Variants in TPRG1L observed in about 807,000 individuals in gnomAD.
TPRG1L encodes tumor protein p63-regulated gene 1-like protein.
In TPRG1L, 25 loss-of-function variants were observed where a neutral mutation model predicts 29.4. That is an observed-to-expected ratio of 0.85 (90% confidence interval 0.62 to 1.19). The LOEUF (loss-of-function observed/expected upper bound fraction) is 1.19, where lower values mean the gene tolerates loss of function less well. TPRG1L is among the 50% of genes most tolerant of loss of function. The pLI is 0.00. For synonymous variants in TPRG1L, 182 were observed against 151.1 expected, an observed-to-expected ratio of 1.20 and a Z score of -1.50; for missense variants, 354 against 364.4, an observed-to-expected ratio of 0.97 and a Z score of 0.23.
rs755380716 is a variant in TPRG1L, at chr1:3,628,462, A to G, written c.678A>G (p.Glu226=). The G allele has an allele frequency of 1.2e-6, 2 of 1,613,480 alleles. No individual in the cohort carries two copies. Among genetic ancestry groups the G allele is most frequent in the Admixed American group, 1.7e-5 (1 of 59,980 alleles). Residue 226 remains glutamate (E), a synonymous_variant, in exon 5 of 5, where the codon GAA becomes GAG. Coordinates refer to ENST00000378344, the MANE Select transcript of TPRG1L (RefSeq NM_182752.4). ...LIQAVKKAQK[E]SPLPGQANGV... ...AAGCTGTCAAAAAAGCCCAAAAAGA[A>G]AGCCCTTTGCCAGGACAGGCGAATG...
At chr1:3,628,035 GCAGAGCC>G (rs936968342) in intron 4 of TPRG1L, among the ~76,000 whole-genome samples, 40 of 152,366 alleles carry the variant, frequency 2.6e-4, no homozygotes, top group African/African-American at 8.7e-4. Context: ...TGGGGTTAGA[GCAGAGCC>G]CAGAGCCCAG....
chr1:3,625,939 C>A, intron 3 of TPRG1L, 50 bp downstream of exon 3: 1 of 1,530,244 alleles, frequency 6.5e-7, no homozygotes, highest in Non-Finnish European at 8.8e-7. Context: ...CCAGAGTGGA[C>A]CTTACAATTC....
At position 3,627,669 on chromosome 1, in the gene TPRG1L, CATAA is replaced by C; in HGVS notation, c.624+20_624+23del. ...TCTGTGTCAGGTAAGAAGACAGGCA[CATAA>C]ATAGCCGCGCCCCCCGCAGTGATGG... On this transcript the variant is annotated intron_variant, in intron 4 of 4. Coordinates refer to ENST00000378344, the MANE Select transcript of TPRG1L (RefSeq NM_182752.4). 6.3e-7 allele frequency: 1 copy of C among 1,595,220 alleles called. No homozygotes were observed. The highest frequency in any genetic ancestry group is 1.1e-5 in the South Asian group (1 of 90,526).
chr1:3,628,769 G>T lies in TPRG1L; in HGVS notation c.*166G>T, dbSNP rs1170883447. ...ACCTTTAGGGATCTCAGCACAATTA[G>T]AATCGTAAAGTGAATTCTATCTATT... On this transcript the variant is annotated 3_prime_UTR_variant, in exon 5 of 5. Transcript: ENST00000378344. The T allele has an allele frequency of 5.0e-6, 3 of 603,942 alleles. No homozygotes were observed. The highest frequency in any genetic ancestry group is 8.4e-6 in the Non-Finnish European group (3 of 358,718). 37.4% of individuals were successfully genotyped at this position (603,942 alleles called of 1,614,324 possible).
intron 4 of TPRG1L, 121 bp downstream of exon 4, chr1:3,627,774 G>T: frequency 7.9e-7 from 1 of 1,266,784 alleles, no homozygotes; most frequent in Non-Finnish European, 1.1e-6. Flanking sequence ...GAGCACTTGA[G>T]ACGTGGCTAG....
intron 3 of TPRG1L, 80 bp downstream of exon 3, chr1:3,625,969 C>G: frequency 2.9e-6 from 4 of 1,357,174 alleles, no homozygotes; most frequent in Non-Finnish European, 4.0e-6. Context: ...AAATCAGCCC[C>G]CCAAGCGGTG....
In TPRG1L at chr1:3,627,653, G is replaced by C. The variant is rs1219520628; in HGVS notation, c.624G>C (p.Gln208His). 1.2e-6 allele frequency: 2 copies of C among 1,609,834 alleles called. No homozygotes were observed. Among genetic ancestry groups the C allele is most frequent in the Admixed American group, 1.7e-5 (1 of 59,624 alleles). ...ATGAGAAGACAGCATCTCTGTGTCA[G>C]GTAAGAAGACAGGCACATAAATAGC... ...GADEKTASLCQLESFKALLIQ... is the reference protein window; with the variant it reads ...GADEKTASLCHLESFKALLIQ... The change falls in exon 4 of 5, where the codon CAG becomes CAC. Residue 208 changes from glutamine (Q) to histidine (H), a missense_variant and splice_region_variant. Physicochemically the swap from Gln to His is conservative, Grantham distance 24. Coordinates refer to ENST00000378344, the MANE Select transcript of TPRG1L (RefSeq NM_182752.4).
intron 2 of TPRG1L, 89 bp from the exon 3 acceptor site, chr1:3,625,624 C>A (rs1371528603): frequency 6.4e-7 from 1 of 1,563,656 alleles, no homozygotes. Flanking sequence ...CGCCCCGTGC[C>A]GCCCCTGCTG....
rs1384357708 is a variant in TPRG1L at position 3,625,281 on chromosome 1, A to G, written c.201+8A>G. ...GAGTACTTCGTGTTCCGGGTGAGGC[A>G]GGGGCCAGGGCCGGGGCGGGGGCCG... On this transcript the variant is annotated splice_region_variant and intron_variant, in intron 1 of 4. Transcript: ENST00000378344. 2 of 1,394,994 alleles carry G rather than the reference A, an allele frequency of 1.4e-6. No homozygotes were observed. Among genetic ancestry groups the G allele is most frequent in the African/African-American group, 3.2e-5 (2 of 62,554 alleles). 86.4% of individuals were successfully genotyped at this position (1,394,994 alleles called of 1,614,324 possible).
In TPRG1L at chr1:3,625,280, C is replaced by A; in HGVS notation, c.201+7C>A. 1 of 1,402,532 alleles carries A rather than the reference C, an allele frequency of 7.1e-7. No individual in the cohort carries two copies. Among genetic ancestry groups the A allele is most frequent in the South Asian group, 1.6e-5 (1 of 62,170 alleles). 86.9% of individuals were successfully genotyped at this position (1,402,532 alleles called of 1,614,324 possible). On this transcript the variant is annotated splice_region_variant and intron_variant, in intron 1 of 4. Coordinates refer to ENST00000378344, the MANE Select transcript of TPRG1L (RefSeq NM_182752.4). ...GGAGTACTTCGTGTTCCGGGTGAGG[C>A]AGGGGCCAGGGCCGGGGCGGGGGCC...
Position 3,625,454 on chromosome 1 carries a change from A to G in TPRG1L, c.232A>G (p.Ile78Val), listed in dbSNP as rs1286295796. 3 of 1,606,298 alleles carry G rather than the reference A, an allele frequency of 1.9e-6. No homozygotes were observed. Among genetic ancestry groups the G allele is most frequent in the Non-Finnish European group, 2.5e-6 (3 of 1,177,558 alleles). ...PGSIEQAVEE[I>V]RVVVRPVEDG... ...CAGCATCGAGCAGGCAGTGGAGGAG[A>G]TCCGCGTGGTGGTGCGGCCCGTGGA... Residue 78 changes from isoleucine to valine, a missense_variant, in exon 2 of 5, where the codon ATC (isoleucine) becomes GTC (valine). Ile to Val is a conservative substitution (Grantham distance 29, BLOSUM62 3). Transcript: ENST00000378344.
rs1425931867 is a variant in TPRG1L, at chr1:3,625,229, G to T, written c.157G>T (p.Asp53Tyr). ...GACACTCTGGCCTCTCAGCATCCAC[G>T]ACCCCACGCGCCGCGCCCGCGTCAA... is the stretch of plus-strand genomic sequence containing the variant. ...RQTLWPLSIH[D>Y]PTRRARVKEY... The change falls in exon 1 of 5, where the codon GAC (aspartate) becomes TAC (tyrosine). Residue 53 changes from aspartate (D) to tyrosine (Y), a missense_variant. By Grantham distance (160) the Asp-to-Tyr change is radical. Transcript: ENST00000378344. The T allele has an allele frequency of 3.7e-6, 5 of 1,357,778 alleles. No individual in the cohort carries two copies. In the South Asian group the frequency reaches 7.1e-5, roughly 19 times the overall value. 84.1% of individuals were successfully genotyped at this position (1,357,778 alleles called of 1,614,324 possible).
chr1:3,626,964 T>G (rs1221552427), intron 3 of TPRG1L, among the ~76,000 whole-genome samples: 1 of 152,182 alleles, frequency 6.6e-6, no homozygotes, highest in Admixed American at 6.5e-5. Flanking sequence ...TTTGTCATAT[T>G]TATACCCACA....
At position 3,625,523 on chromosome 1, in the gene TPRG1L, G is replaced by A. The variant is rs779361085; in HGVS notation, c.293+8G>A. 3.5e-5 allele frequency: 56 copies of A among 1,595,956 alleles called. No homozygotes were observed. In the South Asian group the frequency reaches 5.8e-4, roughly 16 times the overall value. On this transcript the variant is annotated splice_region_variant and intron_variant, in intron 2 of 4. Transcript: ENST00000378344. The stretch of plus-strand genomic sequence containing the variant: ...AGTGTGGCTGCTTACCGAGTAAGCC[G>A]GGGCTGCGCTCTCCTTGGTGGGGGG...
intron 3 of TPRG1L, among the ~76,000 whole-genome samples, 194 bp from the exon 4 acceptor site, chr1:3,627,306 A>G (rs2101946160): frequency 6.7e-6 from 1 of 149,908 alleles, no homozygotes; most frequent in Middle Eastern, 3.4e-3. Context: ...GCAAAACTCC[A>G]TCTCAAAAAA....
chr1:3,627,194 C>T (rs1202153150), intron 3 of TPRG1L, among the ~76,000 whole-genome samples: 1 of 152,062 alleles, frequency 6.6e-6, no homozygotes, highest in East Asian at 1.9e-4. Flanking sequence ...CCTGTAATCC[C>T]AGCTACTCCG....
chr1:3,625,425 C>G lies in TPRG1L; in HGVS notation c.203C>G (p.Pro68Arg). 1 of 1,594,406 alleles carries G rather than the reference C, an allele frequency of 6.3e-7. No homozygotes were observed. Among genetic ancestry groups the G allele is most frequent in the Non-Finnish European group, 8.5e-7 (1 of 1,172,116 alleles). ...TCCCCCACCCCGCAACCCGCCCAGC[C>G]CGGCAGCATCGAGCAGGCAGTGGAG... ...ARVKEYFVFR[P>R]GSIEQAVEEI... Residue 68 changes from proline to arginine, a missense_variant and splice_region_variant, in exon 2 of 5, where the codon CCC becomes CGC. Coordinates refer to ENST00000378344, the MANE Select transcript of TPRG1L (RefSeq NM_182752.4).
Position 3,628,761 on chromosome 1 carries a change from C to T in TPRG1L, c.*158C>T, listed in dbSNP as rs755714665. Reference sequence around the variant, plus strand: ...GATCTTTCACCTTTAGGGATCTCAGCACAATTAGAATCGTAAAGTGAATTC... The same window carrying T: ...GATCTTTCACCTTTAGGGATCTCAGTACAATTAGAATCGTAAAGTGAATTC... On this transcript the variant is annotated 3_prime_UTR_variant, in exon 5 of 5. Coordinates refer to ENST00000378344, the MANE Select transcript of TPRG1L (RefSeq NM_182752.4). 1 of 642,750 alleles carries T rather than the reference C, an allele frequency of 1.6e-6. No individual in the cohort carries two copies. The highest frequency in any genetic ancestry group is 3.1e-5 in the Admixed American group (1 of 32,064). 39.8% of individuals were successfully genotyped at this position (642,750 alleles called of 1,614,324 possible).
intron 2 of TPRG1L, 47 bp from the exon 3 acceptor site, chr1:3,625,666 G>C (rs750967249): frequency 6.3e-7 from 1 of 1,584,846 alleles, no homozygotes; most frequent in Non-Finnish European, 8.6e-7. Flanking sequence ...TGGCTAAGTC[G>C]AGACAGCCGC....
Sources: gnomAD v4.1 joint callset for allele counts (sites outside exome capture counted in the v4.1 genomes callset) on GRCh38, gnomAD v4.1.1 for gene constraint, MANE v1.5 for transcripts, NCBI Gene and HGNC (gene_info 2026-07-23, HGNC 2026-07-21) for gene names.